CDH19: variants seen among roughly 807,000 people sequenced by gnomAD.
The protein encoded by CDH19 is cadherin-19.
CDH19 carries 67 observed loss-of-function variants against 64.2 expected under a neutral mutation model. The observed-to-expected ratio is 1.04, with a 90% CI of 0.86 to 1.28. The LOEUF is 1.28. Ranked by LOEUF, CDH19 falls within the 50% of genes most tolerant of loss-of-function variation. CDH19 has a pLI of 0.00. For missense variants in CDH19, 1,030 were observed against 929.0 expected (o/e 1.11, Z -1.41); for synonymous variants, 346 against 319.3 (o/e 1.08, Z -0.89).
chr18:66,570,578 T>C (rs533882156), intron 2 of CDH19, among the ~76,000 whole-genome samples: 4 of 151,636 alleles, frequency 2.6e-5, no homozygotes, highest in Admixed American at 1.3e-4. Context: ...AGCAGCTAAA[T>C]TGTATATTTA....
At chr18:66,536,776 T>G (rs73539704) in intron 7 of CDH19, among the ~76,000 whole-genome samples, 3,454 of 151,916 alleles carry the variant, frequency 0.023, 122 homozygotes, top group African/African-American at 0.077. Context: ...CCACTCCACC[T>G]TCACTGGACA....
chr18:66,554,479 G>A lies in CDH19; in HGVS notation c.536C>T (p.Ser179Leu), dbSNP rs1987447804. 3 of 1,610,362 alleles carry A rather than the reference G, an allele frequency of 1.9e-6. No homozygotes were observed. The highest frequency in any genetic ancestry group is 2.5e-6 in the Non-Finnish European group (3 of 1,177,346). The change falls in exon 4 of 12, where the codon TCA becomes TTA. Residue 179 changes from serine (S) to leucine (L), a missense_variant. Transcript: ENST00000262150. ...GAGGAGACGAGCATTATTACCACTT[G>A]AGGGATCGTCAGCATCACTTGCTGT... is the stretch of plus-strand genomic sequence containing the variant. ...QVTASDADDP[S>L]SGNNARLLYS...
intron 9 of CDH19, among the ~76,000 whole-genome samples, chr18:66,519,513 G>A (rs1985890239): frequency 6.6e-6 from 1 of 152,078 alleles, no homozygotes; most frequent in African/African-American, 2.4e-5. Flanking sequence ...TAATCTTTTT[G>A]TTATTGTAGC....
chr18:66,590,188 T>C (rs1303633272), intron 1 of CDH19, among the ~76,000 whole-genome samples: 1 of 151,844 alleles, frequency 6.6e-6, no homozygotes, highest in Admixed American at 6.6e-5. Flanking sequence ...GTATTTTTTT[T>C]AACAAGCCTC....
At chr18:66,517,084 T>G (rs552046466) in intron 9 of CDH19, among the ~76,000 whole-genome samples, 1 of 152,200 alleles carries the variant, frequency 6.6e-6, no homozygotes, top group East Asian at 1.9e-4. Flanking sequence ...TTTCTCAGGT[T>G]AGTCAGACAC....
rs532252306 is a variant in CDH19 at position 66,542,233 on chromosome 18, G to T, written c.1214+1738C>A. On this transcript the variant is annotated intron_variant, in intron 7 of 11. Transcript: ENST00000262150. ...ATGACTAATTAAGAACTACATATGC[G>T]TATCAGAAGGCAACATTTTATGAAC... 9.5e-4 allele frequency among the ~76,000 whole-genome samples: 145 copies of T among 152,204 alleles called. 3 individuals are homozygous for T. In the South Asian group the frequency reaches 0.029, roughly 31 times the overall value.
intron 7 of CDH19, among the ~76,000 whole-genome samples, chr18:66,535,991 T>G (rs1986654170): frequency 6.7e-6 from 1 of 148,558 alleles, no homozygotes; most frequent in Non-Finnish European, 1.5e-5. Context: ...GCTTTTAGAT[T>G]GTGCATGGAA....
At chr18:66,589,272 A>G (rs1210904848) in intron 1 of CDH19, among the ~76,000 whole-genome samples, 1 of 150,148 alleles carries the variant, frequency 6.7e-6, no homozygotes, top group Non-Finnish European at 1.5e-5. Flanking sequence ...ATACACACAT[A>G]TATATATATA....
chr18:66,534,952 A>C, intron 8 of CDH19, 34 bp downstream of exon 8: 1 of 1,387,294 alleles, frequency 7.2e-7, no homozygotes, highest in East Asian at 2.6e-5. Flanking sequence ...AAAATATGGC[A>C]AACAACTGTA....
chr18:66,552,320 T>C (rs1421554426), intron 4 of CDH19, among the ~76,000 whole-genome samples: 3 of 152,092 alleles, frequency 2.0e-5, no homozygotes, highest in Non-Finnish European at 4.4e-5. Context: ...ACTATCTCCA[T>C]AGTTTTGTAT....
chr18:66,555,375 G>A (rs1461869364), intron 3 of CDH19, among the ~76,000 whole-genome samples: 1 of 138,834 alleles, frequency 7.2e-6, no homozygotes, highest in Non-Finnish European at 1.6e-5. Context: ...CTAGCATCAT[G>A]AATTTTCTCA....
rs1437085661 is a variant in CDH19 at position 66,511,667 on chromosome 18, C to T, written c.1477G>A (p.Ala493Thr). 6.5e-7 allele frequency: 1 copy of T among 1,544,952 alleles called. No individual in the cohort carries two copies. The highest frequency in any genetic ancestry group is 1.7e-5 in the Admixed American group (1 of 58,308). ...GSGQVIQTIS[A>T]VDRDESIEEH... ...TCTATGGATTCATCTCTATCCACTGCACTGATAGTCTGAATTACCTAAAAA... is the reference window on the plus strand; with the variant it reads ...TCTATGGATTCATCTCTATCCACTGTACTGATAGTCTGAATTACCTAAAAA... Residue 493 changes from alanine to threonine, a missense_variant, in exon 10 of 12, where the codon GCA becomes ACA. Coordinates refer to ENST00000262150, the MANE Select transcript of CDH19 (RefSeq NM_021153.4).
intron 1 of CDH19, among the ~76,000 whole-genome samples, chr18:66,588,561 C>T (rs921389792): frequency 3.5e-4 from 51 of 147,594 alleles, no homozygotes; most frequent in East Asian, 2.0e-4. Context: ...CTCACTGATT[C>T]GCCCAAAATT....
At chr18:66,529,231 C>CACAAT in intron 9 of CDH19, among the ~76,000 whole-genome samples, 1 of 151,048 alleles carries the variant, frequency 6.6e-6, no homozygotes. Flanking sequence ...GTTGCTATAC[C>CACAAT]TGGTATAGCA....
chr18:66,509,088 T>A lies in CDH19; in HGVS notation c.1735A>T (p.Thr579Ser). 6.2e-7 allele frequency: 1 copy of A among 1,612,940 alleles called. No individual in the cohort carries two copies. The change falls in exon 11 of 12, where the codon ACA becomes TCA. Residue 579 changes from threonine (T) to serine (S), a missense_variant. Transcript: ENST00000262150. ...AGCTCCTGGTACTGGCAGGTCTGTG[T>A]GCTCCCACTGTCACCACAGTCACAG... ...HVCDCGDSGS[T>S]QTCQYQELVL...
At chr18:66,564,258 T>C (rs1987824379) in intron 3 of CDH19, among the ~76,000 whole-genome samples, 1 of 151,890 alleles carries the variant, frequency 6.6e-6, no homozygotes, top group Admixed American at 6.6e-5. Flanking sequence ...AAATATTGCA[T>C]AATAATTACA....
chr18:66,508,182 CT>C (rs1985293507), intron 11 of CDH19, among the ~76,000 whole-genome samples: 1 of 151,778 alleles, frequency 6.6e-6, no homozygotes, highest in Non-Finnish European at 1.5e-5. Context: ...TTTGACAAAT[CT>C]AAAACAAGTA....
intron 4 of CDH19, among the ~76,000 whole-genome samples, chr18:66,552,537 G>A (rs893787634): frequency 1.1e-5 from 1 of 89,838 alleles, no homozygotes; most frequent in Non-Finnish European, 2.0e-5. Context: ...TGCTGCTAGC[G>A]TCTCCCTGTA....
intron 11 of CDH19, 50 bp from the exon 12 acceptor site, chr18:66,505,352 A>T (rs1985144122): frequency 7.2e-7 from 1 of 1,383,754 alleles, no homozygotes; most frequent in Admixed American, 2.3e-5. Flanking sequence ...AGAGTATTAT[A>T]AACATTACAG....
Sources: gnomAD v4.1 joint callset for allele counts (sites outside exome capture counted in the v4.1 genomes callset) on GRCh38, gnomAD v4.1.1 for gene constraint, MANE v1.5 for transcripts, NCBI Gene and HGNC (gene_info 2026-07-23, HGNC 2026-07-21) for gene names.